Variants in SLC30A10 observed in about 807,000 individuals in gnomAD.
SLC30A10 encodes the protein calcium/manganese antiporter SLC30A10.
In SLC30A10, 8 loss-of-function variants were observed where a neutral mutation model predicts 21.7. The observed-to-expected ratio is 0.37, with a 90% CI of 0.22 to 0.67. SLC30A10 has a LOEUF of 0.67. SLC30A10 is among the 30% of genes least tolerant of loss of function. The pLI, the probability that SLC30A10 is intolerant of heterozygous loss-of-function variation, is 0.58. For missense variants in SLC30A10, 521 were observed against 642.5 expected (o/e 0.81, Z 2.04); for synonymous variants, 272 against 279.4 (o/e 0.97, Z 0.26).
At chr1:219,937,028 A>G (rs756620928) in intron 1 of SLC30A10, among the ~76,000 whole-genome samples, 1 of 152,190 alleles carries the variant, frequency 6.6e-6, no homozygotes, top group Non-Finnish European at 1.5e-5. Context: ...TTTTTTTAAA[A>G]AAAGAAGAGC....
rs2231733 is a variant in SLC30A10 at position 219,916,011 on chromosome 1, G to A, written c.959-63C>T. 243 of 1,548,628 alleles carry A rather than the reference G, an allele frequency of 1.6e-4. 9 individuals carry two copies. Among genetic ancestry groups the A allele is most frequent in the East Asian group, 1.2e-3 (52 of 44,422 alleles). On this transcript the variant is annotated intron_variant, in intron 3 of 3. Coordinates refer to ENST00000366926, the MANE Select transcript of SLC30A10 (RefSeq NM_018713.3). ...GCTGCATTTGAAACATGGAACTACA[G>A]GAGGGATATGGTTCCGTTAAGCATT...
chr1:219,918,155 A>G lies in SLC30A10; in HGVS notation c.958+100T>C. On this transcript the variant is annotated intron_variant, in intron 3 of 3. Transcript: ENST00000366926. This position sits in a 1 kb window ranked among gnomAD's most constrained non-coding sequence, Gnocchi z 4.4. Reference sequence around the variant, plus strand: ...ACCACCTGGTGATTTAAGGTGTTTCAGAATACATAACTCAAACACTGCTCT... The same window carrying G: ...ACCACCTGGTGATTTAAGGTGTTTCGGAATACATAACTCAAACACTGCTCT... The G allele has an allele frequency of 6.1e-6, 9 of 1,466,194 alleles. No homozygotes were observed. Among genetic ancestry groups the G allele is most frequent in the Non-Finnish European group, 8.3e-6 (9 of 1,078,280 alleles). 90.8% of individuals were successfully genotyped at this position (1,466,194 alleles called of 1,614,324 possible).
At chr1:219,935,062 T>C (rs1660028918) in intron 1 of SLC30A10, among the ~76,000 whole-genome samples, 1 of 152,122 alleles carries the variant, frequency 6.6e-6, no homozygotes, top group African/African-American at 2.4e-5. Flanking sequence ...CTGATATCAT[T>C]TGGGGTCTGA....
At chr1:219,958,934 C>T (rs565300806), upstream of SLC30A10, among the ~76,000 whole-genome samples, 1 of 152,270 alleles carries the variant, frequency 6.6e-6, no homozygotes, top group African/African-American at 2.4e-5. Flanking sequence ...CCAACGTAAG[C>T]GATCACTAGT....
At position 219,914,466 on chromosome 1, in the gene SLC30A10, A is replaced by T. The variant is rs1173414811; in HGVS notation, c.*983T>A. 1 of 152,224 alleles carries T rather than the reference A, an allele frequency of 6.6e-6. No homozygotes were observed. Among genetic ancestry groups the T allele is most frequent in the Admixed American group, 6.5e-5 (1 of 15,286 alleles). 9.4% of individuals were successfully genotyped at this position (152,224 alleles called of 1,614,324 possible). On this transcript the variant is annotated 3_prime_UTR_variant, in exon 4 of 4. Coordinates refer to ENST00000366926, the MANE Select transcript of SLC30A10 (RefSeq NM_018713.3). ...ATAATAAATACTTTAAAATATGTCT[A>T]ATTAAAGAGAAGGCAGTCTAGCTTA...
chr1:219,939,480 T>C (rs1660089843), intron 1 of SLC30A10, among the ~76,000 whole-genome samples: 1 of 152,114 alleles, frequency 6.6e-6, no homozygotes, highest in Non-Finnish European at 1.5e-5. Flanking sequence ...CAGGCTGCAG[T>C]GCAGTGGCCA....
At chr1:219,934,661 A>G (rs1216041050) in intron 1 of SLC30A10, among the ~76,000 whole-genome samples, 1 of 152,188 alleles carries the variant, frequency 6.6e-6, no homozygotes, top group Non-Finnish European at 1.5e-5. Flanking sequence ...ACTTGAGGTG[A>G]ACGCTATTAT....
At chr1:219,925,400 G>T (rs536553074) in intron 2 of SLC30A10, among the ~76,000 whole-genome samples, 53 of 151,366 alleles carry the variant, frequency 3.5e-4, no homozygotes, top group African/African-American at 1.1e-3. Flanking sequence ...CAGGCGTGGT[G>T]GTGCGCACCT....
In SLC30A10 at chr1:219,922,158, T is replaced by TTGTGTGTGTGTG. The variant is rs139669169; in HGVS notation, c.719-3676_719-3665dup. ...TAAAAGAATTTTTTTACCTTCTTGT[T>TTGTGTGTGTGTG]TGTGTGTGTGTGTGTGTGTTTTTTT... On this transcript the variant is annotated intron_variant, in intron 2 of 3. Coordinates refer to ENST00000366926, the MANE Select transcript of SLC30A10 (RefSeq NM_018713.3). Among the ~76,000 whole-genome samples the TTGTGTGTGTGTG allele has an allele frequency of 3.7e-4, 16 of 42,894 alleles. 4 individuals are homozygous for TTGTGTGTGTGTG. In the East Asian group the frequency reaches 5.9e-3, roughly 16 times the overall value. The allele number at this position is 42,894 out of a possible 152,430, so 28.1% of individuals were successfully genotyped here.
At chr1:219,943,701 A>G in intron 1 of SLC30A10, among the ~76,000 whole-genome samples, 1 of 152,366 alleles carries the variant, frequency 6.6e-6, no homozygotes, top group Middle Eastern at 3.4e-3. Flanking sequence ...TTACAAATAC[A>G]TTTGAAACAA....
rs749604118 is a variant in SLC30A10, at chr1:219,916,968, GTT to G, written c.959-1022_959-1021del. On this transcript the variant is annotated intron_variant, in intron 3 of 3. Coordinates refer to ENST00000366926, the MANE Select transcript of SLC30A10 (RefSeq NM_018713.3). ...GCTATTGTTATTACTATCTTGTGGG[GTT>G]TTTTTTTTTTTTTTTTTAGAGACAG... Among the ~76,000 whole-genome samples, 29 of 132,274 alleles carry G rather than the reference GTT, an allele frequency of 2.2e-4. No homozygotes were observed. In the East Asian group the frequency reaches 3.0e-3, roughly 14 times the overall value. 86.8% of individuals were successfully genotyped at this position (132,274 alleles called of 152,430 possible).
Position 219,928,488 on chromosome 1 carries a change from C to A in SLC30A10, c.-48G>T. ...CGGCGCCGCCCAGGGGAGCGCAGCC[C>A]ACCCCGCGCGCAGCCACAGGTGGGG... On this transcript the variant is annotated 5_prime_UTR_variant, in exon 1 of 4. Coordinates refer to ENST00000366926, the MANE Select transcript of SLC30A10 (RefSeq NM_018713.3). The surrounding 1 kb of genome is among the most constrained non-coding windows in gnomAD (Gnocchi z 6.3). The A allele has an allele frequency of 6.8e-7, 1 of 1,461,454 alleles. No homozygotes were observed. The highest frequency in any genetic ancestry group is 1.4e-5 in the South Asian group (1 of 69,718). 90.5% of individuals were successfully genotyped at this position (1,461,454 alleles called of 1,614,324 possible). A position where few individuals can be genotyped will look rare whatever the true frequency, so the allele number is the denominator to read the frequency against.
At chr1:219,924,168 G>A (rs532743109) in intron 2 of SLC30A10, among the ~76,000 whole-genome samples, 4 of 152,324 alleles carry the variant, frequency 2.6e-5, no homozygotes, top group African/African-American at 4.8e-5. Flanking sequence ...AGAGATCCCC[G>A]TAAGCTGTTA....
At chr1:219,921,023 GGAAAGGAAAT>G (rs1336857438) in intron 2 of SLC30A10, among the ~76,000 whole-genome samples, 9 of 152,132 alleles carry the variant, frequency 5.9e-5, no homozygotes, top group African/African-American at 2.2e-4. Flanking sequence ...CTTTTAAGTT[GGAAAGGAAAT>G]GAAAACCAGC....
chr1:219,926,123 T>C (rs1005508663), intron 2 of SLC30A10, among the ~76,000 whole-genome samples: 4 of 152,154 alleles, frequency 2.6e-5, no homozygotes, highest in African/African-American at 9.7e-5. Context: ...TTTTAGGAGA[T>C]CATATGTTAT....
At position 219,918,750 on chromosome 1, in the gene SLC30A10, A is replaced by T; in HGVS notation, c.719-256T>A. The T allele has an allele frequency of 2.6e-6, 1 of 381,384 alleles. No homozygotes were observed. 23.6% of individuals were successfully genotyped at this position (381,384 alleles called of 1,614,324 possible). On this transcript the variant is annotated intron_variant, in intron 2 of 3. Coordinates refer to ENST00000366926, the MANE Select transcript of SLC30A10 (RefSeq NM_018713.3). The surrounding 1 kb of genome is among the most constrained non-coding windows in gnomAD (Gnocchi z 4.4). Reference sequence around the variant, plus strand: ...AAGATTCTGACCTGCAGGAAGAGCGACTGTGCCGTCTCACTGGGCCACATC... The same window carrying T: ...AAGATTCTGACCTGCAGGAAGAGCGTCTGTGCCGTCTCACTGGGCCACATC...
At chr1:219,939,617 AG>A (rs1172889034) in intron 1 of SLC30A10, among the ~76,000 whole-genome samples, 3 of 152,148 alleles carry the variant, frequency 2.0e-5, no homozygotes, top group Admixed American at 6.5e-5. Flanking sequence ...TTTAGTAGAG[AG>A]GGGGTTTCAC....
chr1:219,918,307 G>A lies in SLC30A10; in HGVS notation c.906C>T (p.Thr302=), dbSNP rs758514806. The part of the protein sequence containing the change: ...LSSAFPLIKE[T]AAILLQMVPK... ...GGACCATCTGTAGCAGAATGGCAGCGGTCTCCTTGATAAGCGGGAAGGCAG... is the reference window on the plus strand; with the variant it reads ...GGACCATCTGTAGCAGAATGGCAGCAGTCTCCTTGATAAGCGGGAAGGCAG... Residue 302 remains threonine, a synonymous_variant, in exon 3 of 4, where the codon ACC becomes ACT. Coordinates refer to ENST00000366926, the MANE Select transcript of SLC30A10 (RefSeq NM_018713.3). The surrounding 1 kb of genome is among the most constrained non-coding windows in gnomAD (Gnocchi z 4.4). The A allele has an allele frequency of 1.3e-5, 21 of 1,613,944 alleles. No individual in the cohort carries two copies. The highest frequency in any genetic ancestry group is 3.3e-5 in the South Asian group (3 of 91,078).
intron 2 of SLC30A10, among the ~76,000 whole-genome samples, chr1:219,922,194 T>TGG (rs1659709966): frequency 5.5e-5 from 1 of 18,324 alleles, no homozygotes; most frequent in African/African-American, 2.0e-4. Context: ...TTTTTTTTTT[T>TGG]TTTTTTTTTT....
Sources: allele counts gnomAD v4.1 joint callset (sites outside exome capture counted in the v4.1 genomes callset), GRCh38; gene constraint gnomAD v4.1.1; non-coding constraint Gnocchi (gnomAD v3.1); transcripts MANE v1.5; gene names NCBI Gene and HGNC (gene_info 2026-07-23, HGNC 2026-07-21).